Variants in NOS2 observed in about 807,000 individuals in gnomAD.
NOS2 encodes the protein nitric oxide synthase, inducible.
NOS2 carries 96 observed loss-of-function variants against 136.0 expected under a neutral mutation model. The observed-to-expected ratio is 0.71, with a 90% CI of 0.60 to 0.84. The LOEUF (loss-of-function observed/expected upper bound fraction) is 0.84. Ranked by LOEUF, NOS2 falls within the 40% of genes least tolerant of loss-of-function variation. The pLI is 0.00. For synonymous variants in NOS2, 539 were observed against 587.5 expected (o/e 0.92, Z 1.20); for missense variants, 1,237 against 1,496.9 (o/e 0.83, Z 2.87).
intron 7 of NOS2, 22 bp from the exon 8 acceptor site, chr17:27,781,199 C>G: frequency 6.3e-7 from 1 of 1,593,650 alleles, no homozygotes; most frequent in Non-Finnish European, 8.5e-7. Flanking sequence ...AGGAACAGTA[C>G]TGTTTACCAC....
At chr17:27,790,036 T>C (rs1199626939) in intron 2 of NOS2, among the ~76,000 whole-genome samples, 1 of 152,246 alleles carries the variant, frequency 6.6e-6, no homozygotes, top group Non-Finnish European at 1.5e-5. Context: ...CCAACAACTC[T>C]GCCTCCCAGA....
intron 5 of NOS2, among the ~76,000 whole-genome samples, chr17:27,785,815 T>C (rs1216293339): frequency 1.3e-5 from 2 of 151,764 alleles, no homozygotes; most frequent in African/African-American, 4.8e-5. Flanking sequence ...AAAAATTAGC[T>C]AAGCATAGTG....
At chr17:27,767,893 C>T in intron 17 of NOS2, 56 bp from the exon 18 acceptor site, 4 of 1,604,126 alleles carry the variant, frequency 2.5e-6, no homozygotes, top group Non-Finnish European at 3.4e-6. Context: ...GCATCCCCAC[C>T]ACTGGGGCTA....
At chr17:27,769,487 T>C (rs1261297519) in intron 16 of NOS2, 48 bp downstream of exon 16, 1 of 1,541,626 alleles carries the variant, frequency 6.5e-7, no homozygotes, top group Non-Finnish European at 9.0e-7. Flanking sequence ...ACCCAGACTT[T>C]GGGTCCACAG....
intron 1 of NOS2, 40 bp from the exon 2 acceptor site, chr17:27,798,922 A>G: frequency 1.4e-6 from 1 of 725,968 alleles, no homozygotes; most frequent in Non-Finnish European, 2.4e-6. Context: ...GTTGAAGAAG[A>G]GTTTACAGAA....
At chr17:27,773,291 G>T (rs746861054) in intron 12 of NOS2, 48 bp from the exon 13 acceptor site, 1 of 1,391,018 alleles carries the variant, frequency 7.2e-7, no homozygotes, top group Non-Finnish European at 1.0e-6. Flanking sequence ...TCCTGGCTTG[G>T]CTCAGCTCGC....
chr17:27,790,962 G>T (rs1909165725), intron 2 of NOS2, among the ~76,000 whole-genome samples: 1 of 152,204 alleles, frequency 6.6e-6, no homozygotes, highest in Non-Finnish European at 1.5e-5. Context: ...ATCTGAGGGA[G>T]AGGTGGTTAG....
intron 14 of NOS2, among the ~76,000 whole-genome samples, chr17:27,771,525 G>A (rs1908495970): frequency 6.6e-6 from 1 of 152,238 alleles, no homozygotes; most frequent in South Asian, 2.1e-4. Context: ...CCCAAGAGGT[G>A]TTTTCAGCAA....
At chr17:27,793,673 C>T (rs1254832185) in intron 2 of NOS2, 2 of 396,166 alleles carry the variant, frequency 5.0e-6, no homozygotes, top group Non-Finnish European at 8.9e-6. Context: ...GCCTCGCACG[C>T]CGCGCCCAGC....
Position 27,767,778 on chromosome 17 carries a change from G to A in NOS2, c.2094C>T (p.Tyr698=). The change falls in exon 18 of 27, where the codon TAC becomes TAT. Residue 698 remains tyrosine (Y), a synonymous_variant. Coordinates refer to ENST00000313735, the MANE Select transcript of NOS2 (RefSeq NM_000625.4). ...GCGGGTCCCAGGTCACATTGGAGGT[G>A]TAGAGCTTGGGGATCTGAATGTGCT... ...GKQHIQIPKL[Y]TSNVTWDPHH... 6.2e-7 allele frequency: 1 copy of A among 1,612,908 alleles called. No individual in the cohort carries two copies. Among genetic ancestry groups the A allele is most frequent in the Non-Finnish European group, 8.5e-7 (1 of 1,180,024 alleles).
intron 24 of NOS2, 88 bp from the exon 25 acceptor site, chr17:27,760,266 A>G (rs1484651215): frequency 2.6e-5 from 35 of 1,345,796 alleles, no homozygotes; most frequent in Non-Finnish European, 3.4e-5. Context: ...CTTCACTCCC[A>G]CTAGCTATTT....
Position 27,757,023 on chromosome 17 carries a change from CAGGG to C in NOS2, c.*219_*222del. The C allele has an allele frequency of 2.1e-6, 1 of 465,388 alleles. No individual in the cohort carries two copies. The highest frequency in any genetic ancestry group is 3.8e-6 in the Non-Finnish European group (1 of 266,644). The allele number at this position is 465,388 out of a possible 1,614,324, so 28.8% of individuals were successfully genotyped here. A position where few individuals can be genotyped will look rare whatever the true frequency, so the allele number is the denominator to read the frequency against. ...ATTTAAGATTTTGTCTCCAAGGGAC[CAGGG>C]AGGCCCCAGTTTGAGAGAGGAGGCT... On this transcript the variant is annotated 3_prime_UTR_variant, in exon 27 of 27. Coordinates refer to ENST00000313735, the MANE Select transcript of NOS2 (RefSeq NM_000625.4).
chr17:27,789,541 C>A, intron 3 of NOS2, 63 bp downstream of exon 3: 1 of 1,273,554 alleles, frequency 7.9e-7, no homozygotes, highest in Non-Finnish European at 1.1e-6. Context: ...TAACAGGCTG[C>A]TATGTCTGCA....
Position 27,788,882 on chromosome 17 carries a change from G to T in NOS2, c.245C>A (p.Pro82Gln). 6.2e-7 allele frequency: 1 copy of T among 1,614,188 alleles called. No homozygotes were observed. Among genetic ancestry groups the T allele is most frequent in the Non-Finnish European group, 8.5e-7 (1 of 1,180,032 alleles). ...VKLDATPLSS[P>Q]RHVRIKNWGS... ...CCAGTTTTTGATCCTCACATGCCGTGGGGAGGACAATGGGGTTGCATCCAG... is the reference window on the plus strand; with the variant it reads ...CCAGTTTTTGATCCTCACATGCCGTTGGGAGGACAATGGGGTTGCATCCAG... The change falls in exon 4 of 27, where the codon CCA becomes CAA. Residue 82 changes from proline (P) to glutamine (Q), a missense_variant. Transcript: ENST00000313735.
chr17:27,774,750 G>A (rs1036696131), intron 11 of NOS2, among the ~76,000 whole-genome samples: 2 of 152,218 alleles, frequency 1.3e-5, no homozygotes, highest in African/African-American at 4.8e-5. Context: ...GGTCTCCCCA[G>A]ACTCCCAGCA....
intron 6 of NOS2, 86 bp downstream of exon 6, chr17:27,782,858 G>T: frequency 7.3e-7 from 1 of 1,373,184 alleles, no homozygotes; most frequent in Non-Finnish European, 1.0e-6. Context: ...GGAGGCCTGG[G>T]CACAGCTCTG....
intron 11 of NOS2, among the ~76,000 whole-genome samples, chr17:27,775,731 C>A (rs910325863): frequency 2.6e-5 from 4 of 152,166 alleles, no homozygotes; most frequent in African/African-American, 9.7e-5. Flanking sequence ...CTGCAGTGAG[C>A]CATGATTGGG....
At chr17:27,798,429 G>A (rs1408065389) in intron 2 of NOS2, among the ~76,000 whole-genome samples, 2 of 143,428 alleles carry the variant, frequency 1.4e-5, no homozygotes, top group Non-Finnish European at 3.0e-5. Context: ...CTCAGGCCAA[G>A]CTCCTTCCCA....
At chr17:27,791,755 G>C (rs1909190991) in intron 2 of NOS2, among the ~76,000 whole-genome samples, 1 of 120,792 alleles carries the variant, frequency 8.3e-6, no homozygotes. Context: ...GGTCTAGACT[G>C]GTGTGGCCTG....
Sources: allele counts gnomAD v4.1 joint callset (sites outside exome capture counted in the v4.1 genomes callset), GRCh38; gene constraint gnomAD v4.1.1; transcripts MANE v1.5; gene names NCBI Gene and HGNC (gene_info 2026-07-23, HGNC 2026-07-21).